Variants in APOH observed in about 807,000 individuals in gnomAD.
APOH encodes apolipoprotein H.
Under a neutral mutation model 39.8 loss-of-function variants are expected in APOH, and 48 were observed. The ratio of observed to expected loss-of-function variants is 1.21; its 90% CI spans 0.96 to 1.54. The LOEUF (loss-of-function observed/expected upper bound fraction) is 1.54, where lower values mean the gene tolerates loss of function less well. Among genes scored for constraint, APOH ranks in the 40% most tolerant of loss-of-function variants. The pLI is 0.00. For missense variants in APOH, 415 were observed against 421.2 expected (o/e 0.99, Z 0.13); for synonymous variants, 153 against 151.1 (o/e 1.01, Z -0.09).
chr17:66,213,666 C>T (rs1295737432), intron 7 of APOH, among the ~76,000 whole-genome samples: 5 of 152,244 alleles, frequency 3.3e-5, no homozygotes, highest in East Asian at 1.9e-4. Flanking sequence ...AGGCTGGGCG[C>T]GTAGCTCATG....
intron 2 of APOH, among the ~76,000 whole-genome samples, chr17:66,226,896 T>TTTA (rs111637358): frequency 1.5e-3 from 87 of 59,242 alleles, no homozygotes; most frequent in South Asian, 0.012. Flanking sequence ...TATTTATTTA[T>TTTA]TTTTTTTTTT....
At chr17:66,224,814 A>G (rs1464081294) in intron 3 of APOH, among the ~76,000 whole-genome samples, 1 of 151,926 alleles carries the variant, frequency 6.6e-6, no homozygotes, top group African/African-American at 2.4e-5. Flanking sequence ...CACACCTGTA[A>G]TCCCAGCACT....
rs553544013 is a variant in APOH at position 66,226,174 on chromosome 17, C to T, written c.242-50G>A. 23 of 1,225,696 alleles carry T rather than the reference C, an allele frequency of 1.9e-5. No homozygotes were observed. The Middle Eastern group carries it at 7.8e-4, about 42-fold the overall frequency. 75.9% of individuals were successfully genotyped at this position (1,225,696 alleles called of 1,614,324 possible). On this transcript the variant is annotated intron_variant, in intron 2 of 7. Coordinates refer to ENST00000205948, the MANE Select transcript of APOH (RefSeq NM_000042.3). ...TACTTTTCTTTGGGCTAAAAAAAAA[C>T]ATAAACAGGTAAATTTCTATTTATA...
intron 3 of APOH, among the ~76,000 whole-genome samples, chr17:66,225,330 A>T (rs2073433108): frequency 6.6e-6 from 1 of 152,070 alleles, no homozygotes; most frequent in Admixed American, 6.6e-5. Flanking sequence ...TTGCTCCCAG[A>T]TGAGCCTGTG....
chr17:66,224,604 A>T (rs1452195404), intron 3 of APOH, among the ~76,000 whole-genome samples: 1 of 144,682 alleles, frequency 6.9e-6, no homozygotes, highest in Non-Finnish European at 1.5e-5. Flanking sequence ...AGAAAGAAAG[A>T]AAGAAAAAGA....
Position 66,226,037 on chromosome 17 carries a change from C to T in APOH, c.329G>A (p.Cys110Tyr), listed in dbSNP as rs779872282. ...FEYPNTISFS[C>Y]NTGFYLNGAD... Reference sequence around the variant, plus strand: ...CCATGAAAGTTCTTACCCAGTGTTACAAGAAAAACTGATCGTGTTGGGATA... The same window carrying T: ...CCATGAAAGTTCTTACCCAGTGTTATAAGAAAAACTGATCGTGTTGGGATA... Residue 110 changes from cysteine (C) to tyrosine (Y), a missense_variant, in exon 3 of 8, where the codon TGT becomes TAT. Transcript: ENST00000205948. 1.9e-6 allele frequency: 3 copies of T among 1,611,096 alleles called. No homozygotes were observed. Among genetic ancestry groups the T allele is most frequent in the Admixed American group, 3.4e-5 (2 of 59,662 alleles).
rs2073353018 is a variant in APOH, at chr17:66,214,506, G to A, written c.929C>T (p.Thr310Ile). Residue 310 changes from threonine (T) to isoleucine (I), a missense_variant, in exon 7 of 8, where the codon ACA (threonine) becomes ATA (isoleucine). This residue lies in a region of APOH where 120 missense variants were observed against 110.6 expected (regional missense o/e 1.08). Transcript: ENST00000205948. ...CKNKEKKCSY[T>I]EDAQCIDGTI... ...GCCATCTATACACTGAGCATCCTCTGTATAGCTACACTTCTTTTCCTTATT... is the reference window on the plus strand; with the variant it reads ...GCCATCTATACACTGAGCATCCTCTATATAGCTACACTTCTTTTCCTTATT... The A allele has an allele frequency of 6.2e-7, 1 of 1,614,164 alleles. No homozygotes were observed. The highest frequency in any genetic ancestry group is 8.5e-7 in the Non-Finnish European group (1 of 1,180,002).
At chr17:66,226,172 AACAT>A (rs1463646788) in intron 2 of APOH, 48 bp from the exon 3 acceptor site, 1 of 1,318,320 alleles carries the variant, frequency 7.6e-7, no homozygotes, top group South Asian at 1.3e-5. Flanking sequence ...GCTAAAAAAA[AACAT>A]AAACAGGTAA....
At position 66,214,436 on chromosome 17, in the gene APOH, T is replaced by C. The variant is rs1413506145; in HGVS notation, c.982+17A>G. 2.5e-6 allele frequency: 4 copies of C among 1,610,394 alleles called. No individual in the cohort carries two copies. The African/African-American group carries it at 5.4e-5, about 22-fold the overall frequency. On this transcript the variant is annotated intron_variant, in intron 7 of 7. Transcript: ENST00000205948. Reference sequence around the variant, plus strand: ...GGCAAGTGGGAGTCCTAGCTAAACGTTCCAATGCAGACTTACCCTTGAAGC... The same window carrying C: ...GGCAAGTGGGAGTCCTAGCTAAACGCTCCAATGCAGACTTACCCTTGAAGC...
intron 4 of APOH, among the ~76,000 whole-genome samples, chr17:66,223,119 T>A (rs892368452): frequency 2.0e-5 from 3 of 152,220 alleles, no homozygotes; most frequent in Non-Finnish European, 4.4e-5. Flanking sequence ...TGATGGGCTG[T>A]TGGCTTACTG....
In APOH at chr17:66,221,968, G is replaced by A. The variant is rs532198360; in HGVS notation, c.416-1226C>T. Among the ~76,000 whole-genome samples, 113 of 152,322 alleles carry A rather than the reference G, an allele frequency of 7.4e-4. 1 individual carries two copies. Among genetic ancestry groups the A allele is most frequent in the African/African-American group, 2.7e-3 (113 of 41,568 alleles). On this transcript the variant is annotated intron_variant, in intron 4 of 7. Transcript: ENST00000205948. ...CAGAAGCTCAGACCCCACTGCAGGT[G>A]CCTGAATCAGAATCTACATTTTAAC...
In APOH at chr17:66,220,550, T is replaced by C. The variant is rs773683093; in HGVS notation, c.604+4A>G. On this transcript the variant is annotated splice_donor_region_variant and intron_variant, in intron 5 of 7. Coordinates refer to ENST00000205948, the MANE Select transcript of APOH (RefSeq NM_000042.3). ...TGCGTATTTTGTCTGATCATTGCAC[T>C]TACCCCTGCATTCTGGTAATTTAGT... 1 of 1,613,570 alleles carries C rather than the reference T, an allele frequency of 6.2e-7. No individual in the cohort carries two copies. Among genetic ancestry groups the C allele is most frequent in the Non-Finnish European group, 8.5e-7 (1 of 1,179,494 alleles).
chr17:66,218,152 A>G (rs8178854), intron 5 of APOH, among the ~76,000 whole-genome samples: 68,104 of 152,026 alleles, frequency 0.45, 17,515 homozygotes, highest in East Asian at 0.82. Flanking sequence ...GTGGATATTC[A>G]CATGGTTTCA....
At chr17:66,223,255 A>G (rs2073413164) in intron 4 of APOH, among the ~76,000 whole-genome samples, 2 of 152,250 alleles carry the variant, frequency 1.3e-5, no homozygotes, top group African/African-American at 4.8e-5. Context: ...TAGATCCTCA[A>G]TTCATGTTTA....
chr17:66,214,577 A>C lies in APOH; in HGVS notation c.858T>G (p.Phe286Leu), dbSNP rs764352041. 5.0e-6 allele frequency: 8 copies of C among 1,614,032 alleles called. No homozygotes were observed. The Admixed American group carries it at 1.3e-4, about 27-fold the overall frequency. Residue 286 changes from phenylalanine to leucine, a missense_variant, in exon 7 of 8, where the codon TTT becomes TTG. Phe to Leu is a conservative substitution (Grantham distance 22). This residue lies in a region of APOH where 120 missense variants were observed against 110.6 expected (regional missense o/e 1.08). Coordinates refer to ENST00000205948, the MANE Select transcript of APOH (RefSeq NM_000042.3). ...TATCACCATGTAGCATTCCATTCTT[A>C]AATTTTTCCTGAATCTTTACTCTCT... ...QGERVKIQEK[F>L]KNGMLHGDKV...
intron 6 of APOH, among the ~76,000 whole-genome samples, chr17:66,214,990 T>G (rs1010477481): frequency 6.6e-6 from 1 of 151,560 alleles, no homozygotes; most frequent in Non-Finnish European, 1.5e-5. Flanking sequence ...CCCTCTCAGA[T>G]TGCATTCATT....
At position 66,223,743 on chromosome 17, in the gene APOH, A is replaced by C. The variant is rs552047225; in HGVS notation, c.370T>G (p.Cys124Gly). The change falls in exon 4 of 8, where the codon TGC becomes GGC. Residue 124 changes from cysteine to glycine, a missense_variant. Transcript: ENST00000205948. ...GGGCTCCATTTTCCTTCCTCAGTGCACTTGGCAGAATCAGCGCCATTCAGA... is the reference window on the plus strand; with the variant it reads ...GGGCTCCATTTTCCTTCCTCAGTGCCCTTGGCAGAATCAGCGCCATTCAGA... ...FYLNGADSAK[C>G]TEEGKWSPEL... 1.9e-6 allele frequency: 3 copies of C among 1,612,902 alleles called. No individual in the cohort carries two copies. The highest frequency in any genetic ancestry group is 1.7e-6 in the Non-Finnish European group (2 of 1,180,046).
chr17:66,216,908 G>A lies in APOH; in HGVS notation c.664C>T (p.Pro222Ser), dbSNP rs1376575940. The change falls in exon 6 of 8, where the codon CCA (proline) becomes TCA (serine). Residue 222 changes from proline to serine, a missense_variant. By Grantham distance (74) the Pro-to-Ser change is moderately conservative. Coordinates refer to ENST00000205948, the MANE Select transcript of APOH (RefSeq NM_000042.3). ...DNGFVNYPAK[P>S]TLYYKDKATF... The stretch of plus-strand genomic sequence containing the variant: ...GCTTTATCCTTGTAATAAAGTGTTG[G>A]TTTTGCAGGATAGTTCACAAATCCA... The A allele has an allele frequency of 1.9e-6, 3 of 1,612,450 alleles. No individual in the cohort carries two copies. Among genetic ancestry groups the A allele is most frequent in the African/African-American group, 2.7e-5 (2 of 74,872 alleles).
chr17:66,227,125 C>G (rs1353872968), intron 2 of APOH, among the ~76,000 whole-genome samples: 1 of 152,116 alleles, frequency 6.6e-6, no homozygotes, highest in Non-Finnish European at 1.5e-5. Flanking sequence ...CTCAGGCGAT[C>G]CACCCACCTT....
Sources: allele counts gnomAD v4.1 joint callset (sites outside exome capture counted in the v4.1 genomes callset), GRCh38; gene constraint gnomAD v4.1.1; regional missense constraint gnomAD v4.1.1; transcripts MANE v1.5; gene names NCBI Gene and HGNC (gene_info 2026-07-23, HGNC 2026-07-21).